The following PTPRD variants were observed in gnomAD, a reference collection of about 807,000 sequenced individuals.
PTPRD encodes receptor-type tyrosine-protein phosphatase delta.
A neutral mutation model predicts 214.5 loss-of-function variants in PTPRD; 34 were observed. The observed-to-expected ratio is 0.16, with a 90% CI of 0.12 to 0.21. PTPRD has a LOEUF of 0.21. Among genes scored for constraint, PTPRD ranks in the 10% least tolerant of loss-of-function variants. The probability of loss-of-function intolerance (pLI) is 1.00; values close to 1 mark genes in which losing one functional copy is unlikely to be tolerated. For synonymous variants in PTPRD, 1,128 were observed against 845.7 expected (o/e 1.33, Z -5.79); for missense variants, 2,545 against 2,398.7 (o/e 1.06, Z -1.27).
chr9:10,529,846 T>G (rs139010604), intron 2 of PTPRD, among the ~76,000 whole-genome samples: 2,530 of 150,874 alleles, frequency 0.017, 72 homozygotes, highest in African/African-American at 0.059. Context: ...TAAGTGGGAG[T>G]TGGACAATGA....
At chr9:9,944,908 G>A (rs2092325130) in intron 4 of PTPRD, among the ~76,000 whole-genome samples, 1 of 151,812 alleles carries the variant, frequency 6.6e-6, no homozygotes, top group Non-Finnish European at 1.5e-5. Context: ...TGAGACTGAA[G>A]GAAGTTAAAA....
intron 8 of PTPRD, among the ~76,000 whole-genome samples, chr9:9,500,115 G>C (rs2096357668): frequency 6.6e-6 from 1 of 152,036 alleles, no homozygotes; most frequent in Admixed American, 6.6e-5. Flanking sequence ...TTTCTCAGTT[G>C]CTTTTCCATT....
intron 11 of PTPRD, among the ~76,000 whole-genome samples, chr9:8,750,598 T>G (rs10115534): frequency 0.058 from 8,773 of 152,064 alleles, 652 homozygotes; most frequent in African/African-American, 0.17. Flanking sequence ...TAGAGAAGGG[T>G]GGGGCATGTA....
At chr9:10,468,822 TG>T (rs558012590) in intron 2 of PTPRD, among the ~76,000 whole-genome samples, 18 of 152,098 alleles carry the variant, frequency 1.2e-4, no homozygotes, top group Admixed American at 9.8e-4. Context: ...AAGGCAAAAA[TG>T]GTGGAATATT....
chr9:10,558,529 A>G (rs1342440731), intron 2 of PTPRD, among the ~76,000 whole-genome samples: 1 of 152,076 alleles, frequency 6.6e-6, no homozygotes. Flanking sequence ...CAGTAGGTGC[A>G]GCTACTTAGC....
chr9:10,605,939 T>C (rs2079206760), intron 2 of PTPRD, among the ~76,000 whole-genome samples: 1 of 151,766 alleles, frequency 6.6e-6, no homozygotes, highest in South Asian at 2.1e-4. Flanking sequence ...TTGACAACAT[T>C]TACAAGCTTG....
intron 5 of PTPRD, among the ~76,000 whole-genome samples, chr9:9,847,769 G>C (rs901736838): frequency 2.0e-5 from 3 of 151,974 alleles, no homozygotes; most frequent in African/African-American, 7.2e-5. Flanking sequence ...AAGTTATTTC[G>C]GAGCATTAAA....
chr9:10,170,336 T>C (rs1438643890), intron 3 of PTPRD, among the ~76,000 whole-genome samples: 1 of 152,164 alleles, frequency 6.6e-6, no homozygotes, highest in East Asian at 1.9e-4. Flanking sequence ...GCTTTTTATA[T>C]TAGAGGACTC....
chr9:8,777,942 G>A (rs76860407), intron 11 of PTPRD, among the ~76,000 whole-genome samples: 5,893 of 152,234 alleles, frequency 0.039, 249 homozygotes, highest in African/African-American at 0.11. Context: ...GCTCCATCCT[G>A]AGGTATTTAT....
chr9:10,255,178 G>C (rs1254605671), intron 3 of PTPRD, among the ~76,000 whole-genome samples: 1 of 152,160 alleles, frequency 6.6e-6, no homozygotes, highest in African/African-American at 2.4e-5. Flanking sequence ...ATTTAAAATA[G>C]GGTCAAGTGT....
At chr9:10,496,696 C>A (rs1379963499) in intron 2 of PTPRD, among the ~76,000 whole-genome samples, 3 of 151,964 alleles carry the variant, frequency 2.0e-5, no homozygotes, top group Non-Finnish European at 4.4e-5. Context: ...TTGCATTTCT[C>A]TGATAATTAG....
chr9:10,476,115 T>G (rs1439113076), intron 2 of PTPRD, among the ~76,000 whole-genome samples: 2 of 152,130 alleles, frequency 1.3e-5, no homozygotes, highest in African/African-American at 4.8e-5. Flanking sequence ...TTCAACATAG[T>G]TTTTGAAGTT....
chr9:10,264,186 G>T (rs767576975), intron 3 of PTPRD, among the ~76,000 whole-genome samples: 7 of 152,174 alleles, frequency 4.6e-5, no homozygotes, highest in Non-Finnish European at 7.3e-5. Context: ...GGAAATGTGG[G>T]GTTGAAGCCC....
chr9:10,508,394 C>T (rs2046808264), intron 2 of PTPRD, among the ~76,000 whole-genome samples: 1 of 152,140 alleles, frequency 6.6e-6, no homozygotes, highest in Non-Finnish European at 1.5e-5. Flanking sequence ...GCGGCGATTC[C>T]TCAGGGATCT....
chr9:9,529,795 T>C (rs940709715), intron 8 of PTPRD, among the ~76,000 whole-genome samples: 4 of 151,800 alleles, frequency 2.6e-5, no homozygotes, highest in African/African-American at 9.6e-5. Context: ...AATGAATATA[T>C]ATATAAATAT....
At chr9:10,364,187 G>C (rs141242102) in intron 2 of PTPRD, among the ~76,000 whole-genome samples, 2 of 151,580 alleles carry the variant, frequency 1.3e-5, no homozygotes, top group African/African-American at 2.4e-5. Context: ...ATTTTTAGTA[G>C]AGATAGGGTT....
intron 3 of PTPRD, among the ~76,000 whole-genome samples, chr9:10,185,059 A>T (rs935140161): frequency 3.3e-5 from 5 of 152,188 alleles, no homozygotes; most frequent in African/African-American, 1.2e-4. Context: ...AACAAACAAC[A>T]TCATGAAAGT....
intron 10 of PTPRD, among the ~76,000 whole-genome samples, chr9:9,167,408 T>C (rs2099906404): frequency 6.6e-6 from 1 of 151,786 alleles, no homozygotes; most frequent in Admixed American, 6.6e-5. Context: ...CAGCCAACTT[T>C]GGAATAAAAA....
intron 10 of PTPRD, among the ~76,000 whole-genome samples, chr9:9,133,691 A>T (rs2099846334): frequency 6.6e-6 from 1 of 152,222 alleles, no homozygotes; most frequent in Admixed American, 6.5e-5. Flanking sequence ...GTTACTGAAC[A>T]ATCGCAGTCA....
Sources: gnomAD v4.1 joint callset for allele counts (sites outside exome capture counted in the v4.1 genomes callset) on GRCh38, gnomAD v4.1.1 for gene constraint, MANE v1.5 for transcripts, NCBI Gene and HGNC (gene_info 2026-07-23, HGNC 2026-07-21) for gene names.